The following MSRA variants were observed in gnomAD, a reference collection of about 807,000 sequenced individuals.
The protein encoded by MSRA is methionine sulfoxide reductase A, also known as mitochondrial peptide methionine sulfoxide reductase.
Under a neutral mutation model 31.3 loss-of-function variants are expected in MSRA, and 54 were observed. The ratio of observed to expected loss-of-function variants is 1.73; its 90% CI spans 1.39 to 2.17. The LOEUF (loss-of-function observed/expected upper bound fraction) is 2.17, where lower values mean the gene tolerates loss of function less well. Among genes scored for constraint, MSRA ranks in the 30% most tolerant of loss-of-function variants. The probability of loss-of-function intolerance (pLI) is 0.00; values close to 1 mark genes in which losing one functional copy is unlikely to be tolerated. For synonymous variants in MSRA, 169 were observed against 116.5 expected (o/e 1.45, Z -2.90); for missense variants, 507 against 300.9 (o/e 1.69, Z -5.07).
chr8:10,275,108 C>T (rs989608339), intron 3 of MSRA, among the ~76,000 whole-genome samples: 4 of 148,348 alleles, frequency 2.7e-5, no homozygotes, highest in Non-Finnish European at 2.9e-5. Flanking sequence ...TGCTGCCTTT[C>T]ATATTCCAGG....
intron 1 of MSRA, among the ~76,000 whole-genome samples, chr8:10,191,454 A>G (rs117227814): frequency 0.025 from 3,779 of 152,318 alleles, 60 homozygotes; most frequent in South Asian, 0.054. Context: ...ACTTCCCCAA[A>G]CAAAACAGCA....
At chr8:10,384,536 G>A (rs549583569) in intron 5 of MSRA, among the ~76,000 whole-genome samples, 2 of 152,220 alleles carry the variant, frequency 1.3e-5, no homozygotes, top group Admixed American at 1.3e-4. Context: ...GGAATAACCA[G>A]TGGCGGTTTG....
chr8:10,232,056 G>T (rs1325005864), intron 2 of MSRA, among the ~76,000 whole-genome samples: 1 of 152,204 alleles, frequency 6.6e-6, no homozygotes. Context: ...TCTCAGGGTG[G>T]AATGGCTGTG....
At chr8:10,115,322 C>A (rs766659050) in intron 1 of MSRA, among the ~76,000 whole-genome samples, 48 of 152,204 alleles carry the variant, frequency 3.2e-4, no homozygotes, top group Admixed American at 1.3e-4. Flanking sequence ...ACCAGCCTCA[C>A]AGCGAAGAGG....
intron 5 of MSRA, among the ~76,000 whole-genome samples, chr8:10,418,114 A>G (rs905540946): frequency 5.3e-5 from 8 of 152,160 alleles, no homozygotes; most frequent in African/African-American, 1.9e-4. Flanking sequence ...CCACCACAAT[A>G]CTTTAAAAAG....
intron 2 of MSRA, among the ~76,000 whole-genome samples, chr8:10,239,167 AT>A (rs574732524): frequency 1.9e-3 from 272 of 146,464 alleles, no homozygotes; most frequent in Middle Eastern, 6.9e-3. Flanking sequence ...ATATGACATA[AT>A]TTTTTTTTTT....
intron 5 of MSRA, among the ~76,000 whole-genome samples, chr8:10,407,171 C>G (rs984131225): frequency 6.6e-6 from 1 of 152,208 alleles, no homozygotes; most frequent in South Asian, 2.1e-4. Flanking sequence ...GCCACCATGC[C>G]CAGCCTAGAC....
intron 1 of MSRA, among the ~76,000 whole-genome samples, chr8:10,203,496 A>T (rs1445926091): frequency 1.3e-5 from 2 of 152,212 alleles, no homozygotes; most frequent in African/African-American, 4.8e-5. Context: ...GAACTGAAAG[A>T]TTTTTATCAC....
chr8:10,343,584 C>A (rs1183920379), intron 5 of MSRA, among the ~76,000 whole-genome samples: 1 of 152,144 alleles, frequency 6.6e-6, no homozygotes, highest in African/African-American at 2.4e-5. Context: ...TACATCAGTT[C>A]ATGGGAGAGC....
At chr8:10,395,915 C>G (rs1807067710) in intron 5 of MSRA, among the ~76,000 whole-genome samples, 1 of 152,180 alleles carries the variant, frequency 6.6e-6, no homozygotes, top group Non-Finnish European at 1.5e-5. Context: ...TGGCAATTCA[C>G]AAAGGTTCCA....
chr8:10,231,529 T>C (rs1811473564), intron 2 of MSRA, among the ~76,000 whole-genome samples: 1 of 152,168 alleles, frequency 6.6e-6, no homozygotes, highest in African/African-American at 2.4e-5. Context: ...GGTGGGTGGT[T>C]AGGGGTTTGA....
chr8:10,403,630 T>C (rs1807606076), intron 5 of MSRA, among the ~76,000 whole-genome samples: 1 of 152,238 alleles, frequency 6.6e-6, no homozygotes, highest in African/African-American at 2.4e-5. Flanking sequence ...TTGTGCCTCG[T>C]GTGTGTCTGT....
intron 5 of MSRA, among the ~76,000 whole-genome samples, chr8:10,355,749 G>C (rs1005855973): frequency 2.0e-5 from 3 of 152,152 alleles, no homozygotes; most frequent in African/African-American, 7.2e-5. Context: ...GTGAGGGTCT[G>C]CAGATGCAGG....
intron 5 of MSRA, among the ~76,000 whole-genome samples, chr8:10,335,250 G>GTT (rs1170264568): frequency 0.12 from 9,953 of 79,826 alleles, 935 homozygotes; most frequent in South Asian, 0.3. Flanking sequence ...TCCCAGCTCT[G>GTT]TTTTTTTTTT....
chr8:10,097,038 C>A (rs906859464), intron 1 of MSRA, among the ~76,000 whole-genome samples: 1 of 152,154 alleles, frequency 6.6e-6, no homozygotes, highest in African/African-American at 2.4e-5. Context: ...TCATTGATTT[C>A]TTAATCCTTC....
At chr8:10,117,743 A>C (rs895001069) in intron 1 of MSRA, among the ~76,000 whole-genome samples, 2 of 152,192 alleles carry the variant, frequency 1.3e-5, no homozygotes, top group Admixed American at 1.3e-4. Flanking sequence ...GCTAGTATTA[A>C]AATATTTTAA....
chr8:10,191,817 T>A (rs1698795112), intron 1 of MSRA, among the ~76,000 whole-genome samples: 1 of 152,212 alleles, frequency 6.6e-6, no homozygotes, highest in African/African-American at 2.4e-5. Context: ...ATTTTTCTTT[T>A]ATTAGAACAC....
At chr8:10,218,913 A>G (rs1471104174) in intron 2 of MSRA, among the ~76,000 whole-genome samples, 1 of 152,220 alleles carries the variant, frequency 6.6e-6, no homozygotes, top group Non-Finnish European at 1.5e-5. Flanking sequence ...AAGCAGGCAC[A>G]CTGTCAGGTG....
Position 10,054,508 on chromosome 8 carries a change from C to A in MSRA, c.-9C>A, listed in dbSNP as rs754057726. ...TCCCCCGGGACCACCCTTCGGCTGGCGCCCTCCCATGCTCTCGGCCACCCG... is the reference window on the plus strand; with the variant it reads ...TCCCCCGGGACCACCCTTCGGCTGGAGCCCTCCCATGCTCTCGGCCACCCG... On this transcript the variant is annotated 5_prime_UTR_variant, in exon 1 of 6. Transcript: ENST00000317173. The A allele has an allele frequency of 6.4e-7, 1 of 1,570,628 alleles. No individual in the cohort carries two copies. Among genetic ancestry groups the A allele is most frequent in the Non-Finnish European group, 8.6e-7 (1 of 1,159,596 alleles).
Sources: allele counts gnomAD v4.1 joint callset (sites outside exome capture counted in the v4.1 genomes callset), GRCh38; gene constraint gnomAD v4.1.1; transcripts MANE v1.5; gene names NCBI Gene and HGNC (gene_info 2026-07-23, HGNC 2026-07-21).